The following STEAP4 variants were observed in gnomAD, a reference collection of about 807,000 sequenced individuals.
The protein encoded by STEAP4 is metalloreductase STEAP4.
A neutral mutation model predicts 43.6 loss-of-function variants in STEAP4; 36 were observed. The ratio of observed to expected loss-of-function variants is 0.83; its 90% CI spans 0.63 to 1.09. The LOEUF is 1.09. Ranked by LOEUF, STEAP4 falls within the 50% of genes least tolerant of loss-of-function variation. STEAP4 has a pLI of 0.00. For synonymous variants in STEAP4, 191 were observed against 196.7 expected (o/e 0.97, Z 0.24); for missense variants, 495 against 546.5 (o/e 0.91, Z 0.94).
At chr7:88,291,821 T>C (rs1852839052) in intron 1 of STEAP4, among the ~76,000 whole-genome samples, 1 of 152,180 alleles carries the variant, frequency 6.6e-6, no homozygotes, top group South Asian at 2.1e-4. Context: ...GGGTTTCCTC[T>C]CCTTCCTTCA....
intron 1 of STEAP4, chr7:88,290,988 C>T (rs1479451323): frequency 6.6e-6 from 1 of 152,090 alleles, no homozygotes; most frequent in African/African-American, 2.4e-5. Flanking sequence ...TAGATGAATT[C>T]CTGCATCTCA....
Position 88,271,391 on chromosome 7 carries a change from T to C in STEAP4, c.*8007A>G, listed in dbSNP as rs1312105430. On this transcript the variant is annotated 3_prime_UTR_variant, in exon 5 of 5. Transcript: ENST00000380079. ...AGGCAATTAAAAGCAAATACACATA[T>C]GCAAAAGGAATCATACTATATATGT... 3 of 152,216 alleles carry C rather than the reference T, an allele frequency of 2.0e-5. No individual in the cohort carries two copies. The highest frequency in any genetic ancestry group is 4.4e-5 in the Non-Finnish European group (3 of 68,030). 9.4% of individuals were successfully genotyped at this position (152,216 alleles called of 1,614,324 possible).
intron 1 of STEAP4, among the ~76,000 whole-genome samples, chr7:88,288,807 T>G (rs1852785394): frequency 6.6e-6 from 1 of 152,080 alleles, no homozygotes; most frequent in Non-Finnish European, 1.5e-5. Flanking sequence ...AGTAAAATAT[T>G]CTTAATATTA....
At chr7:88,300,488 C>T (rs1853013696) in intron 1 of STEAP4, among the ~76,000 whole-genome samples, 1 of 152,150 alleles carries the variant, frequency 6.6e-6, no homozygotes, top group African/African-American at 2.4e-5. Flanking sequence ...TGCCACTTTG[C>T]CCACCTTTGG....
At position 88,276,498 on chromosome 7, in the gene STEAP4, A is replaced by G. The variant is rs1348934605; in HGVS notation, c.*2900T>C. On this transcript the variant is annotated 3_prime_UTR_variant, in exon 5 of 5. Transcript: ENST00000380079. ...TCATCCCTTAACATGGGGAAAGTGT[A>G]CAAAAATAATGTGAAAGTGTAAAAA... The G allele has an allele frequency of 6.6e-6, 1 of 152,264 alleles. No individual in the cohort carries two copies. The highest frequency in any genetic ancestry group is 2.4e-5 in the African/African-American group (1 of 41,478). 9.4% of individuals were successfully genotyped at this position (152,264 alleles called of 1,614,324 possible). A position where few individuals can be genotyped will look rare whatever the true frequency, so the allele number is the denominator to read the frequency against.
At chr7:88,297,893 C>T (rs529838299) in intron 1 of STEAP4, among the ~76,000 whole-genome samples, 17 of 152,200 alleles carry the variant, frequency 1.1e-4, no homozygotes, top group African/African-American at 4.1e-4. Context: ...TTTAGCTTGG[C>T]CAAGCCTACC....
intron 3 of STEAP4, among the ~76,000 whole-genome samples, chr7:88,281,312 C>T (rs376147913): frequency 7.2e-5 from 11 of 152,220 alleles, no homozygotes; most frequent in East Asian, 1.9e-4. Context: ...TAGAAAGTTT[C>T]GATTTTCCCT....
chr7:88,303,729 C>T (rs980832727), intron 1 of STEAP4, among the ~76,000 whole-genome samples: 9 of 152,198 alleles, frequency 5.9e-5, no homozygotes, highest in African/African-American at 2.2e-4. Flanking sequence ...GATCTTTAAA[C>T]AGCACAAGGA....
chr7:88,306,045 T>G (rs1853124099), intron 1 of STEAP4, among the ~76,000 whole-genome samples: 2 of 152,320 alleles, frequency 1.3e-5, no homozygotes, highest in South Asian at 2.1e-4. Context: ...ATTTTTGTAT[T>G]TTTAGTAGAG....
At chr7:88,293,266 A>T (rs1852867930) in intron 1 of STEAP4, among the ~76,000 whole-genome samples, 1 of 151,994 alleles carries the variant, frequency 6.6e-6, no homozygotes, top group South Asian at 2.1e-4. Context: ...TTTGGTGAGA[A>T]GTCTCTTCAT....
At chr7:88,296,355 T>C (rs1852923607) in intron 1 of STEAP4, among the ~76,000 whole-genome samples, 1 of 152,142 alleles carries the variant, frequency 6.6e-6, no homozygotes, top group Admixed American at 6.6e-5. Flanking sequence ...ACCACTAGTG[T>C]AGCACACAAA....
chr7:88,292,827 C>G (rs1852857154), intron 1 of STEAP4: 1 of 152,158 alleles, frequency 6.6e-6, no homozygotes, highest in Non-Finnish European at 1.5e-5. Context: ...TTTCACTCAG[C>G]ATAACATACT....
chr7:88,306,718 G>C (rs1490596565), intron 1 of STEAP4, 74 bp downstream of exon 1: 1 of 152,608 alleles, frequency 6.6e-6, no homozygotes, highest in Non-Finnish European at 1.5e-5. Context: ...TGGGGAGTGG[G>C]GTCCTAGCAG....
intron 1 of STEAP4, among the ~76,000 whole-genome samples, chr7:88,304,646 G>A (rs1166659110): frequency 2.0e-5 from 3 of 151,890 alleles, no homozygotes; most frequent in East Asian, 3.9e-4. Flanking sequence ...GCTGTTGTGT[G>A]TGTGTGTGTG....
intron 1 of STEAP4, among the ~76,000 whole-genome samples, chr7:88,294,135 C>T (rs1310883998): frequency 6.7e-6 from 1 of 150,338 alleles, no homozygotes; most frequent in African/African-American, 2.5e-5. Context: ...ATCCCTAACC[C>T]AAAAATATAA....
At chr7:88,304,446 C>T (rs1179333948) in intron 1 of STEAP4, 1 of 152,010 alleles carries the variant, frequency 6.6e-6, no homozygotes, top group Non-Finnish European at 1.5e-5. Context: ...AACAAACAAA[C>T]AAACAAAATC....
In STEAP4 at chr7:88,279,289, C is replaced by A. The variant is rs1400223495; in HGVS notation, c.*109G>T. On this transcript the variant is annotated 3_prime_UTR_variant, in exon 5 of 5. Coordinates refer to ENST00000380079, the MANE Select transcript of STEAP4 (RefSeq NM_024636.4). ...CCTCAGTCACGGTGTAAGAAAAAAA[C>A]TTTCCTAACTGTACCCATCATTCTT... 4.9e-6 allele frequency: 5 copies of A among 1,026,018 alleles called. No individual in the cohort carries two copies. Among genetic ancestry groups the A allele is most frequent in the Non-Finnish European group, 7.1e-6 (5 of 705,034 alleles). 63.6% of individuals were successfully genotyped at this position (1,026,018 alleles called of 1,614,324 possible).
intron 1 of STEAP4, among the ~76,000 whole-genome samples, chr7:88,285,622 C>A (rs1852717622): frequency 6.6e-6 from 1 of 151,874 alleles, no homozygotes; most frequent in South Asian, 2.1e-4. Flanking sequence ...TTGAAACCAG[C>A]CTGGCCAACA....
intron 1 of STEAP4, chr7:88,298,505 ACACAC>A: frequency 6.6e-6 from 1 of 151,348 alleles, no homozygotes; most frequent in East Asian, 1.9e-4. Context: ...ACACACACAC[ACACAC>A]CTTTTACTCC....
Sources: allele counts gnomAD v4.1 joint callset (sites outside exome capture counted in the v4.1 genomes callset), GRCh38; gene constraint gnomAD v4.1.1; transcripts MANE v1.5; gene names NCBI Gene and HGNC (gene_info 2026-07-23, HGNC 2026-07-21).